MYO3A: variants seen among roughly 807,000 people sequenced by gnomAD.
The protein encoded by MYO3A is myosin IIIA, also known as myosin-IIIa.
Under a neutral mutation model 192.7 loss-of-function variants are expected in MYO3A, and 180 were observed. That is an observed-to-expected ratio of 0.93 (90% CI 0.83 to 1.06). The LOEUF is 1.06. Among genes scored for constraint, MYO3A ranks in the 50% least tolerant of loss-of-function variants. The pLI is 0.00. For synonymous variants in MYO3A, 628 were observed against 645.3 expected (o/e 0.97, Z 0.41); for missense variants, 1,896 against 1,905.0 (o/e 1.00, Z 0.09).
At chr10:26,007,655 C>T (rs1414513396) in intron 6 of MYO3A, among the ~76,000 whole-genome samples, 1 of 151,648 alleles carries the variant, frequency 6.6e-6, no homozygotes, top group African/African-American at 2.4e-5. Context: ...GAATAAAATA[C>T]CTAGGAATCC....
intron 20 of MYO3A, among the ~76,000 whole-genome samples, chr10:26,136,279 A>AAT (rs1839841605): frequency 6.6e-6 from 1 of 152,202 alleles, no homozygotes; most frequent in Non-Finnish European, 1.5e-5. Flanking sequence ...AACACAGGAG[A>AAT]ATATTGAGGG....
At chr10:26,017,496 G>T (rs1254916609) in intron 7 of MYO3A, among the ~76,000 whole-genome samples, 1 of 152,054 alleles carries the variant, frequency 6.6e-6, no homozygotes, top group Non-Finnish European at 1.5e-5. Flanking sequence ...CCTTATTTTT[G>T]AAGACTCTCT....
chr10:26,070,717 G>A (rs74126386), intron 14 of MYO3A, among the ~76,000 whole-genome samples: 15,567 of 151,942 alleles, frequency 0.1, 852 homozygotes, highest in Non-Finnish European at 0.12. Flanking sequence ...GGTTAAAAGA[G>A]AGTCAACAAA....
rs1554817237 is a variant in MYO3A, at chr10:26,065,605, A to AAAT, written c.954-1368_954-1367insTAA. On this transcript the variant is annotated intron_variant, in intron 10 of 34. Coordinates refer to ENST00000642920, the MANE Select transcript of MYO3A (RefSeq NM_017433.5). ...ATCTCCAAAAAAAAAAAAAAAAAAA[A>AAAT]AAAAAAAAGTATACATAATTCTTTT... 1.5e-4 allele frequency among the ~76,000 whole-genome samples: 18 copies of AAAT among 118,750 alleles called. 1 individual carries two copies. Among genetic ancestry groups the AAAT allele is most frequent in the East Asian group, 2.2e-4 (1 of 4,468 alleles). 77.9% of individuals were successfully genotyped at this position (118,750 alleles called of 152,430 possible). A position where few individuals can be genotyped will look rare whatever the true frequency, so the allele number is the denominator to read the frequency against.
intron 4 of MYO3A, among the ~76,000 whole-genome samples, chr10:25,962,820 A>G (rs1183224796): frequency 6.6e-6 from 1 of 152,146 alleles, no homozygotes; most frequent in Non-Finnish European, 1.5e-5. Flanking sequence ...AGTCTCATAT[A>G]AGGCATTTGC....
chr10:25,945,237 A>T (rs948612121), intron 2 of MYO3A, among the ~76,000 whole-genome samples: 1 of 149,232 alleles, frequency 6.7e-6, no homozygotes, highest in Admixed American at 6.6e-5. Flanking sequence ...TATTTAGCAT[A>T]GCATGTTTTC....
At chr10:26,017,006 T>G in intron 7 of MYO3A, 110 bp downstream of exon 7, 1 of 1,166,152 alleles carries the variant, frequency 8.6e-7, no homozygotes, top group South Asian at 1.3e-5. Flanking sequence ...GAAGAAACTC[T>G]CAGTTGTGTT....
chr10:25,978,598 A>T (rs1230388487), intron 4 of MYO3A, among the ~76,000 whole-genome samples: 1 of 152,176 alleles, frequency 6.6e-6, no homozygotes, highest in African/African-American at 2.4e-5. Flanking sequence ...AACCATATCA[A>T]ATGAAGTCAT....
At chr10:26,029,680 T>C (rs959468232) in intron 10 of MYO3A, among the ~76,000 whole-genome samples, 8 of 152,214 alleles carry the variant, frequency 5.3e-5, no homozygotes, top group Non-Finnish European at 8.8e-5. Context: ...TATTCATTTT[T>C]TCTTTTGGGG....
At chr10:25,996,449 T>A (rs1315508912) in intron 4 of MYO3A, 41 bp from the exon 5 acceptor site, 1 of 1,525,336 alleles carries the variant, frequency 6.6e-7, no homozygotes, top group Non-Finnish European at 9.1e-7. Context: ...ACATAAAATG[T>A]CACATGTTTT....
At chr10:26,031,892 C>T (rs1842816696) in intron 10 of MYO3A, among the ~76,000 whole-genome samples, 4 of 152,164 alleles carry the variant, frequency 2.6e-5, no homozygotes, top group Admixed American at 2.6e-4. Context: ...TGTCATTCCT[C>T]ATAAATAAAG....
Position 26,067,032 on chromosome 10 carries a change from G to T in MYO3A, c.1011G>T (p.Leu337=). The T allele has an allele frequency of 6.2e-7, 1 of 1,613,062 alleles. No individual in the cohort carries two copies. The highest frequency in any genetic ancestry group is 8.5e-7 in the Non-Finnish European group (1 of 1,179,086). Residue 337 remains leucine, a synonymous_variant, in exon 11 of 35, where the codon CTG becomes CTT. Transcript: ENST00000642920. ...TCAACCGACCTCTAATATCCAATCT[G>T]AAGGATGTAGATGATTTAGCAACCC... ...GNFNRPLISN[L]KDVDDLATLE...
At chr10:26,052,674 G>T (rs921338129) in intron 10 of MYO3A, among the ~76,000 whole-genome samples, 1 of 152,170 alleles carries the variant, frequency 6.6e-6, no homozygotes, top group Non-Finnish European at 1.5e-5. Context: ...ACAAAAGATT[G>T]CTATTCTACC....
At chr10:25,995,791 A>G (rs1395762560) in intron 4 of MYO3A, among the ~76,000 whole-genome samples, 1 of 152,208 alleles carries the variant, frequency 6.6e-6, no homozygotes, top group East Asian at 1.9e-4. Context: ...TTGCCTGGGT[A>G]TCAGCAGCGG....
At chr10:25,981,938 C>T (rs2130799997) in intron 4 of MYO3A, among the ~76,000 whole-genome samples, 1 of 152,272 alleles carries the variant, frequency 6.6e-6, no homozygotes, top group Non-Finnish European at 1.5e-5. Flanking sequence ...CCCTGAGATG[C>T]CAAAAAACTG....
intron 17 of MYO3A, among the ~76,000 whole-genome samples, chr10:26,097,823 T>C (rs1228340845): frequency 6.6e-6 from 1 of 152,206 alleles, no homozygotes; most frequent in Non-Finnish European, 1.5e-5. Context: ...TCTTTGCTAT[T>C]GTGAATAGTG....
At chr10:26,120,887 C>T (rs1400743403) in intron 18 of MYO3A, 85 bp downstream of exon 18, 1 of 1,525,596 alleles carries the variant, frequency 6.6e-7, no homozygotes, top group Admixed American at 1.7e-5. Flanking sequence ...CCATTTCAAG[C>T]AATTGTGCTA....
intron 17 of MYO3A, among the ~76,000 whole-genome samples, chr10:26,101,524 G>A (rs1327007770): frequency 6.6e-6 from 1 of 152,188 alleles, no homozygotes; most frequent in Non-Finnish European, 1.5e-5. Flanking sequence ...TGTTTTTGCA[G>A]TGGCTGGTAC....
At position 26,174,040 on chromosome 10, in the gene MYO3A, A is replaced by G. The variant is rs745702487; in HGVS notation, c.3776A>G (p.Glu1259Gly). ...NCEESKAAYL[E>G]RKAISERPSY... ...GAAGAGTCAAAAGCAGCATATCTAG[A>G]AAGGAAGGCCATATCAGAAAGGCCA... The change falls in exon 30 of 35, where the codon GAA (glutamate) becomes GGA (glycine). Residue 1259 changes from glutamate (E) to glycine (G), a missense_variant. By Grantham distance (98) the Glu-to-Gly change is moderately conservative. Coordinates refer to ENST00000642920, the MANE Select transcript of MYO3A (RefSeq NM_017433.5). The G allele has an allele frequency of 4.3e-6, 7 of 1,613,498 alleles. No homozygotes were observed. The Admixed American group carries it at 1.2e-4, about 27-fold the overall frequency.
Sources: allele counts gnomAD v4.1 joint callset (sites outside exome capture counted in the v4.1 genomes callset), GRCh38; gene constraint gnomAD v4.1.1; transcripts MANE v1.5; gene names NCBI Gene and HGNC (gene_info 2026-07-23, HGNC 2026-07-21).